ADAMTS17: variants seen among roughly 807,000 people sequenced by gnomAD.
ADAMTS17 encodes the protein ADAM metallopeptidase with thrombospondin type 1 motif 17.
In ADAMTS17, 113 loss-of-function variants were observed where a neutral mutation model predicts 141.5. The observed-to-expected ratio is 0.80, with a 90% CI of 0.69 to 0.93. ADAMTS17 has a LOEUF of 0.93. Among genes scored for constraint, ADAMTS17 ranks in the 40% least tolerant of loss-of-function variants. The pLI, the probability that ADAMTS17 is intolerant of heterozygous loss-of-function variation, is 0.00. For synonymous variants in ADAMTS17, 768 were observed against 630.6 expected (o/e 1.22, Z -3.27); for missense variants, 1,659 against 1,517.9 (o/e 1.09, Z -1.54).
In ADAMTS17 at chr15:100,237,290, A is replaced by G. The variant is rs573437225; in HGVS notation, c.1075+16846T>C. Among the ~76,000 whole-genome samples, 58 of 152,298 alleles carry G rather than the reference A, an allele frequency of 3.8e-4. 1 individual carries two copies. The East Asian group carries it at 6.2e-3, about 16-fold the overall frequency. ...GGCAAGCAGGAGGCTCTCCCTCAGT[A>G]AGCCTCAGGCCCCTGGGCTTCTGCT... On this transcript the variant is annotated intron_variant, in intron 7 of 21. Coordinates refer to ENST00000268070, the MANE Select transcript of ADAMTS17 (RefSeq NM_139057.4).
chr15:100,236,406 G>A (rs1353418236), intron 7 of ADAMTS17, among the ~76,000 whole-genome samples: 2 of 151,934 alleles, frequency 1.3e-5, no homozygotes, highest in African/African-American at 2.4e-5. Context: ...CCCACCGAAT[G>A]CAAACATCTG....
chr15:100,338,706 T>C (rs1386216795), intron 2 of ADAMTS17, among the ~76,000 whole-genome samples: 1 of 152,150 alleles, frequency 6.6e-6, no homozygotes, highest in East Asian at 1.9e-4. Context: ...CATCTACTTA[T>C]AGCCTCCCTT....
chr15:100,341,930 G>C lies in ADAMTS17; in HGVS notation c.-31C>G. The C allele has an allele frequency of 1.3e-6, 2 of 1,548,372 alleles. No homozygotes were observed. The highest frequency in any genetic ancestry group is 1.7e-6 in the Non-Finnish European group (2 of 1,146,144). The stretch of plus-strand genomic sequence containing the variant: ...CCGGGACCGGCAGCCCCCCCGGACC[G>C]TGGCGGCGAAGCAGGAGCGCGCTAG... On this transcript the variant is annotated 5_prime_UTR_variant, in exon 1 of 22. Transcript: ENST00000268070.
At chr15:100,281,200 C>G in intron 4 of ADAMTS17, 29 bp downstream of exon 4, 1 of 1,600,518 alleles carries the variant, frequency 6.2e-7, no homozygotes, top group Non-Finnish European at 8.5e-7. Context: ...ACAGAGCCCC[C>G]CACATCAGGA....
intron 18 of ADAMTS17, among the ~76,000 whole-genome samples, chr15:100,048,056 A>G (rs1415511901): frequency 6.6e-6 from 1 of 152,140 alleles, no homozygotes; most frequent in Non-Finnish European, 1.5e-5. Context: ...CAAAAGCCAA[A>G]TATGTTGTGA....
At chr15:99,990,147 C>A (rs773014663) in intron 20 of ADAMTS17, among the ~76,000 whole-genome samples, 1 of 152,196 alleles carries the variant, frequency 6.6e-6, no homozygotes, top group Admixed American at 6.5e-5. Flanking sequence ...GTGATCCTCC[C>A]GCCTCAGCCT....
At chr15:100,121,406 A>C (rs1567210029) in intron 12 of ADAMTS17, among the ~76,000 whole-genome samples, 4 of 152,238 alleles carry the variant, frequency 2.6e-5, no homozygotes, top group African/African-American at 9.6e-5. Context: ...CATTGTAATT[A>C]AACTGCCAAA....
chr15:100,219,610 G>A (rs1037295429), intron 7 of ADAMTS17, among the ~76,000 whole-genome samples: 16 of 152,096 alleles, frequency 1.1e-4, no homozygotes, highest in African/African-American at 4.8e-5. Context: ...GCCTCCTAAC[G>A]CATCCAGAGA....
At position 100,318,938 on chromosome 15, in the gene ADAMTS17, G is replaced by A. The variant is rs577258289; in HGVS notation, c.616+11951C>T. Among the ~76,000 whole-genome samples the A allele has an allele frequency of 3.9e-5, 6 of 152,336 alleles. No individual in the cohort carries two copies. The South Asian group carries it at 1.0e-3, about 26-fold the overall frequency. ...TGCATTCAGAGTTCAGGATACCAGC[G>A]GGACATGGGCAGGGTCCCCAGTACA... On this transcript the variant is annotated intron_variant, in intron 3 of 21. Coordinates refer to ENST00000268070, the MANE Select transcript of ADAMTS17 (RefSeq NM_139057.4).
intron 18 of ADAMTS17, among the ~76,000 whole-genome samples, chr15:100,005,876 G>T (rs2061027679): frequency 6.6e-6 from 1 of 152,168 alleles, no homozygotes; most frequent in South Asian, 2.1e-4. Context: ...AGGAGAACGT[G>T]TTCTGTGTCT....
At chr15:100,271,860 T>G (rs2043924895) in intron 4 of ADAMTS17, among the ~76,000 whole-genome samples, 1 of 152,220 alleles carries the variant, frequency 6.6e-6, no homozygotes, top group Admixed American at 6.5e-5. Context: ...TTACCTCTTC[T>G]GTTTAGGACT....
At chr15:100,249,541 T>C (rs2043088992) in intron 7 of ADAMTS17, among the ~76,000 whole-genome samples, 2 of 152,168 alleles carry the variant, frequency 1.3e-5, no homozygotes, top group African/African-American at 4.8e-5. Flanking sequence ...TCCCCAGCCG[T>C]GGTGGCACAT....
intron 12 of ADAMTS17, chr15:100,126,054 G>A (rs987825415): frequency 1.3e-5 from 2 of 152,262 alleles, no homozygotes; most frequent in Admixed American, 6.5e-5. Flanking sequence ...GACGGGGAGA[G>A]GACGTTGTTT....
intron 15 of ADAMTS17, among the ~76,000 whole-genome samples, chr15:100,095,940 A>T (rs760249063): frequency 5.3e-5 from 8 of 152,228 alleles, no homozygotes; most frequent in Non-Finnish European, 8.8e-5. Flanking sequence ...ACGTTTTAGA[A>T]ATGTGTTATC....
rs116773406 is a variant in ADAMTS17, at chr15:100,024,590, C to T, written c.2591+24267G>A. 5.0e-3 allele frequency among the ~76,000 whole-genome samples: 768 copies of T among 152,302 alleles called. 13 individuals carry two copies. The highest frequency in any genetic ancestry group is 0.018 in the African/African-American group (731 of 41,540). The stretch of plus-strand genomic sequence containing the variant: ...TCTCCGTGATGGGGATCTCATTACA[C>T]TATGACCCGGCCATGCCTGACCCAC... On this transcript the variant is annotated intron_variant, in intron 18 of 21. Coordinates refer to ENST00000268070, the MANE Select transcript of ADAMTS17 (RefSeq NM_139057.4).
At chr15:100,022,255 A>G (rs1249700792) in intron 18 of ADAMTS17, among the ~76,000 whole-genome samples, 1 of 152,218 alleles carries the variant, frequency 6.6e-6, no homozygotes, top group African/African-American at 2.4e-5. Context: ...AGAGCAGTCC[A>G]GGAGCTGCGT....
chr15:100,154,763 ACCCAC>A (rs1316273458), intron 9 of ADAMTS17, among the ~76,000 whole-genome samples: 1 of 151,942 alleles, frequency 6.6e-6, no homozygotes, highest in East Asian at 1.9e-4. Context: ...AGCTGAGCAA[ACCCAC>A]CCCTCATCCC....
At chr15:100,131,915 G>A (rs889638801) in intron 12 of ADAMTS17, 92 bp downstream of exon 12, 2 of 1,589,424 alleles carry the variant, frequency 1.3e-6, no homozygotes, top group Non-Finnish European at 1.7e-6. Flanking sequence ...TGCTCAGCGG[G>A]AGACAGACCC....
intron 4 of ADAMTS17, among the ~76,000 whole-genome samples, chr15:100,268,395 G>C (rs1049909203): frequency 1.3e-5 from 2 of 152,162 alleles, no homozygotes; most frequent in Admixed American, 1.3e-4. Context: ...CACAGTGACT[G>C]AACTAATTTA....
Sources: gnomAD v4.1 joint callset for allele counts (sites outside exome capture counted in the v4.1 genomes callset) on GRCh38, gnomAD v4.1.1 for gene constraint, MANE v1.5 for transcripts, NCBI Gene and HGNC (gene_info 2026-07-23, HGNC 2026-07-21) for gene names.